The following SCARB1 variants were observed in gnomAD, a reference collection of about 807,000 sequenced individuals.
SCARB1 encodes the protein scavenger receptor class B member 1, also known as CD36 and LIMPII analogous 1.
Under a neutral mutation model 57.2 loss-of-function variants are expected in SCARB1, and 30 were observed. That is an observed-to-expected ratio of 0.52 (90% CI 0.39 to 0.71). The LOEUF is 0.71. SCARB1 is among the 30% of genes least tolerant of loss of function. The pLI, the probability that SCARB1 is intolerant of heterozygous loss-of-function variation, is 0.00. For synonymous variants in SCARB1, 249 were observed against 268.3 expected (o/e 0.93, Z 0.70); for missense variants, 543 against 671.2 (o/e 0.81, Z 2.11).
rs1950840957 is a variant in SCARB1 at position 124,818,950 on chromosome 12, T to C, written c.127-1243A>G. Reference sequence around the variant, plus strand: ...GATTACAGGCATGAGCCACTGTGCCTGGCCTATAAAAAATAATTTTTTAAA... The same window carrying C: ...GATTACAGGCATGAGCCACTGTGCCCGGCCTATAAAAAATAATTTTTTAAA... On this transcript the variant is annotated intron_variant, in intron 1 of 12. Coordinates refer to ENST00000261693, the MANE Select transcript of SCARB1 (RefSeq NM_005505.5). Among the ~76,000 whole-genome samples, 3 of 152,234 alleles carry C rather than the reference T, an allele frequency of 2.0e-5. No individual in the cohort carries two copies. The South Asian group carries it at 6.2e-4, about 32-fold the overall frequency.
chr12:124,839,286 C>G (rs1594356483), intron 1 of SCARB1: 1 of 455,188 alleles, frequency 2.2e-6, no homozygotes, highest in Admixed American at 2.4e-5. Flanking sequence ...CTCTAGGGAG[C>G]TCATGCAAAT....
At chr12:124,830,759 T>C (rs1389730072) in intron 1 of SCARB1, among the ~76,000 whole-genome samples, 2 of 152,024 alleles carry the variant, frequency 1.3e-5, no homozygotes, top group Non-Finnish European at 2.9e-5. Context: ...AATTGTGCAC[T>C]TTTCTTAATG....
chr12:124,821,945 G>C (rs1950971167), intron 1 of SCARB1, among the ~76,000 whole-genome samples: 1 of 152,122 alleles, frequency 6.6e-6, no homozygotes, highest in Admixed American at 6.5e-5. Flanking sequence ...CTATGATTCT[G>C]TCCCCACCAC....
At chr12:124,841,568 C>T (rs143409881) in intron 1 of SCARB1, among the ~76,000 whole-genome samples, 1 of 152,120 alleles carries the variant, frequency 6.6e-6, no homozygotes, top group Non-Finnish European at 1.5e-5. Context: ...ATCTGAACTC[C>T]TCCAGGTGTC....
chr12:124,819,105 G>A (rs1480417648), intron 1 of SCARB1, among the ~76,000 whole-genome samples: 1 of 150,142 alleles, frequency 6.7e-6, no homozygotes, highest in African/African-American at 2.4e-5. Context: ...TCCAGCCTGG[G>A]TGTCCAAGCA....
intron 10 of SCARB1, 37 bp from the exon 11 acceptor site, chr12:124,786,540 C>G (rs757548550): frequency 6.2e-7 from 1 of 1,612,172 alleles, no homozygotes; most frequent in Non-Finnish European, 8.5e-7. Flanking sequence ...GAGCTGGGGC[C>G]GCAGGCTGCG....
Position 124,856,784 on chromosome 12 carries a change from C to T in SCARB1, c.126+6811G>A, listed in dbSNP as rs150700091. Among the ~76,000 whole-genome samples, 24 of 152,322 alleles carry T rather than the reference C, an allele frequency of 1.6e-4. No homozygotes were observed. In the East Asian group the frequency reaches 3.5e-3, roughly 22 times the overall value. ...GGGGCTGATAAAGGCGCAGAGCGGGCGGCCCCTGCAGGATGGGTGGGAGTC... is the reference window on the plus strand; with the variant it reads ...GGGGCTGATAAAGGCGCAGAGCGGGTGGCCCCTGCAGGATGGGTGGGAGTC... On this transcript the variant is annotated intron_variant, in intron 1 of 12. Coordinates refer to ENST00000261693, the MANE Select transcript of SCARB1 (RefSeq NM_005505.5).
intron 1 of SCARB1, among the ~76,000 whole-genome samples, chr12:124,857,083 A>G (rs1275718264): frequency 6.6e-6 from 1 of 152,160 alleles, no homozygotes; most frequent in Non-Finnish European, 1.5e-5. Flanking sequence ...CGCCTTAAGC[A>G]TGCAGTCGAC....
At chr12:124,854,436 C>T (rs140862393) in intron 1 of SCARB1, among the ~76,000 whole-genome samples, 3 of 152,274 alleles carry the variant, frequency 2.0e-5, no homozygotes, top group African/African-American at 7.2e-5. Context: ...CTGGCCATGT[C>T]AGGGCTTTGA....
Position 124,789,971 on chromosome 12 carries a change from A to G in SCARB1, c.1203-2514T>C, listed in dbSNP as rs1949662935. The stretch of plus-strand genomic sequence containing the variant: ...GGTTGCAGTGAGCGGAGATCATGCC[A>G]TTGCACTCCAGCCTGGCGACAGAGT... On this transcript the variant is annotated intron_variant, in intron 9 of 12. Transcript: ENST00000261693. The surrounding 1 kb of genome is among the most constrained non-coding windows in gnomAD (Gnocchi z 4.4). Among the ~76,000 whole-genome samples, 2 of 146,568 alleles carry G rather than the reference A, an allele frequency of 1.4e-5. No homozygotes were observed. Among genetic ancestry groups the G allele is most frequent in the South Asian group, 2.1e-4 (1 of 4,720 alleles).
At chr12:124,788,497 T>C (rs9919736) in intron 9 of SCARB1, among the ~76,000 whole-genome samples, 7,616 of 152,236 alleles carry the variant, frequency 0.05, 620 homozygotes, top group African/African-American at 0.17. Context: ...TTTTCCCTCC[T>C]CCCTTTCAGA....
chr12:124,795,360 G>A (rs752015118), intron 8 of SCARB1, 92 bp from the exon 9 acceptor site: 59 of 1,051,238 alleles, frequency 5.6e-5, no homozygotes, highest in Non-Finnish European at 8.2e-5. Flanking sequence ...CAAGAGGGTG[G>A]GCGTCCCAGC....
At position 124,811,954 on chromosome 12, in the gene SCARB1, G is replaced by A. The variant is rs372806890; in HGVS notation, c.642C>T (p.Ser214=). The change falls in exon 5 of 13, where the codon TCC becomes TCT. Residue 214 remains serine (S), a synonymous_variant. Transcript: ENST00000261693. The part of the protein sequence containing the change: ...KFGLFAELNN[S]DSGLFTVFTG... ...TGAACACCGTGAAGAGCCCAGAGTCGGAGTTGTTGAGCTACAGACACAGCA... is the reference window on the plus strand; with the variant it reads ...TGAACACCGTGAAGAGCCCAGAGTCAGAGTTGTTGAGCTACAGACACAGCA... 8.3e-5 allele frequency: 134 copies of A among 1,612,064 alleles called. No homozygotes were observed. The highest frequency in any genetic ancestry group is 1.6e-4 in the Middle Eastern group (1 of 6,082).
At position 124,786,376 on chromosome 12, in the gene SCARB1, A is replaced by G; in HGVS notation, c.1382T>C (p.Ile461Thr). Residue 461 changes from isoleucine (I) to threonine (T), a missense_variant, in exon 11 of 13, where the codon ATC becomes ACC. Ile to Thr is a moderately conservative substitution (Grantham distance 89). Transcript: ENST00000261693. ...LGCVLLLVPV[I>T]CQIRSQEKCY... Reference sequence around the variant, plus strand: ...ACCTACTTGGCTCCGGATTTGGCAGATGACAGGGACCAGCAGCAGGACGCA... The same window carrying G: ...ACCTACTTGGCTCCGGATTTGGCAGGTGACAGGGACCAGCAGCAGGACGCA... 1 of 1,614,072 alleles carries G rather than the reference A, an allele frequency of 6.2e-7. No individual in the cohort carries two copies. Among genetic ancestry groups the G allele is most frequent in the Non-Finnish European group, 8.5e-7 (1 of 1,180,040 alleles).
chr12:124,813,643 C>T (rs1208354265), intron 4 of SCARB1, among the ~76,000 whole-genome samples: 2 of 152,176 alleles, frequency 1.3e-5, no homozygotes, highest in South Asian at 2.1e-4. Flanking sequence ...GACAGGAGCC[C>T]GTCACCCTTG....
intron 8 of SCARB1, among the ~76,000 whole-genome samples, chr12:124,795,897 T>C (rs1949929909): frequency 1.3e-5 from 2 of 152,242 alleles, no homozygotes; most frequent in Non-Finnish European, 2.9e-5. Context: ...TTCATTTTTA[T>C]GGTTGTCTTC....
chr12:124,790,035 G>T (rs1033291691), intron 9 of SCARB1, among the ~76,000 whole-genome samples: 1 of 147,988 alleles, frequency 6.8e-6, no homozygotes. Context: ...AGGGAAGCAG[G>T]AGGTTAGAGG....
chr12:124,830,908 G>A (rs7487945), intron 1 of SCARB1, among the ~76,000 whole-genome samples: 93,902 of 148,558 alleles, frequency 0.63, 29,428 homozygotes, highest in African/African-American at 0.76. Flanking sequence ...CACCTCCCAG[G>A]TTCAAGCAAT....
At chr12:124,848,896 C>CA (rs1952274401) in intron 1 of SCARB1, among the ~76,000 whole-genome samples, 1 of 152,250 alleles carries the variant, frequency 6.6e-6, no homozygotes, top group South Asian at 2.1e-4. Flanking sequence ...AAACTGCTGA[C>CA]AGATGGATCC....
Sources: gnomAD v4.1 joint callset for allele counts (sites outside exome capture counted in the v4.1 genomes callset) on GRCh38, gnomAD v4.1.1 for gene constraint, Gnocchi (gnomAD v3.1) non-coding constraint, MANE v1.5 for transcripts, NCBI Gene and HGNC (gene_info 2026-07-23, HGNC 2026-07-21) for gene names.